Variants in CNTNAP2 observed in about 807,000 individuals in gnomAD.
CNTNAP2 encodes contactin associated protein 2.
In CNTNAP2, 98 loss-of-function variants were observed where a neutral mutation model predicts 155.2. The observed-to-expected ratio is 0.63, with a 90% CI of 0.54 to 0.75. The LOEUF is 0.75. Ranked by LOEUF, CNTNAP2 falls within the 30% of genes least tolerant of loss-of-function variation. CNTNAP2 has a pLI of 0.00. For missense variants in CNTNAP2, 1,727 were observed against 1,688.1 expected (o/e 1.02, Z -0.40); for synonymous variants, 651 against 631.2 (o/e 1.03, Z -0.47).
chr7:148,226,411 C>A (rs1220330837), intron 19 of CNTNAP2, among the ~76,000 whole-genome samples: 1 of 151,982 alleles, frequency 6.6e-6, no homozygotes, highest in Non-Finnish European at 1.5e-5. Flanking sequence ...AGGTGATGGT[C>A]AGGCAGTTGC....
At chr7:148,294,815 A>G (rs1797254040) in intron 21 of CNTNAP2, among the ~76,000 whole-genome samples, 1 of 152,154 alleles carries the variant, frequency 6.6e-6, no homozygotes, top group South Asian at 2.1e-4. Flanking sequence ...AGGTGGCAAA[A>G]ATAAACATAT....
At chr7:147,946,204 A>G (rs184582566) in intron 14 of CNTNAP2, among the ~76,000 whole-genome samples, 1 of 152,258 alleles carries the variant, frequency 6.6e-6, no homozygotes, top group African/African-American at 2.4e-5. Flanking sequence ...ATACAGCAAG[A>G]CAAACACATC....
chr7:146,248,679 T>C (rs1799705723), intron 1 of CNTNAP2, among the ~76,000 whole-genome samples: 1 of 152,088 alleles, frequency 6.6e-6, no homozygotes, highest in African/African-American at 2.4e-5. Flanking sequence ...GGATTTTAAA[T>C]TGGTGAGATG....
At chr7:148,066,078 A>G (rs1416542030) in intron 15 of CNTNAP2, among the ~76,000 whole-genome samples, 2 of 152,086 alleles carry the variant, frequency 1.3e-5, no homozygotes, top group Non-Finnish European at 2.9e-5. Flanking sequence ...CTTGGCTTTT[A>G]ATTATTTTGT....
At chr7:147,655,682 C>T (rs996776816) in intron 13 of CNTNAP2, among the ~76,000 whole-genome samples, 2 of 152,146 alleles carry the variant, frequency 1.3e-5, no homozygotes, top group African/African-American at 4.8e-5. Flanking sequence ...GTCCTCCAAG[C>T]TTTGTTGTTC....
intron 9 of CNTNAP2, among the ~76,000 whole-genome samples, chr7:147,300,969 A>G (rs771498730): frequency 5.9e-5 from 9 of 152,034 alleles, no homozygotes; most frequent in Non-Finnish European, 1.3e-4. Flanking sequence ...GATAAAAACT[A>G]TGAGTATTTT....
chr7:147,459,336 T>C (rs934403820), intron 10 of CNTNAP2, among the ~76,000 whole-genome samples: 15 of 152,212 alleles, frequency 9.9e-5, no homozygotes, highest in Admixed American at 5.9e-4. Flanking sequence ...TCCAGTTCTA[T>C]GATTTCACTC....
At chr7:146,680,710 C>A (rs920421331) in intron 1 of CNTNAP2, among the ~76,000 whole-genome samples, 2 of 152,196 alleles carry the variant, frequency 1.3e-5, no homozygotes, top group African/African-American at 4.8e-5. Flanking sequence ...ATGAAAACAT[C>A]TATTTCCTTT....
At chr7:147,960,917 C>G (rs369649775) in intron 14 of CNTNAP2, among the ~76,000 whole-genome samples, 12 of 152,102 alleles carry the variant, frequency 7.9e-5, no homozygotes, top group African/African-American at 1.4e-4. Flanking sequence ...TAAGTAGAAG[C>G]CTGCATGCAG....
chr7:147,794,582 G>A (rs1230071105), intron 13 of CNTNAP2, among the ~76,000 whole-genome samples: 1 of 150,548 alleles, frequency 6.6e-6, no homozygotes, highest in Non-Finnish European at 1.5e-5. Flanking sequence ...ATTCATAAGA[G>A]ATTTCAGTAT....
At chr7:148,106,517 T>TATATATATAG (rs1804224754) in intron 15 of CNTNAP2, among the ~76,000 whole-genome samples, 1 of 146,490 alleles carries the variant, frequency 6.8e-6, no homozygotes, top group African/African-American at 2.5e-5. Flanking sequence ...TATATATATA[T>TATATATATAG]ATACATATTT....
intron 1 of CNTNAP2, among the ~76,000 whole-genome samples, chr7:146,360,287 C>T (rs2129100668): frequency 1.3e-5 from 2 of 152,286 alleles, no homozygotes; most frequent in South Asian, 4.1e-4. Context: ...GGGTTATAAT[C>T]CTTTCATGAT....
chr7:146,518,675 T>C (rs1341669165), intron 1 of CNTNAP2, among the ~76,000 whole-genome samples: 2 of 151,784 alleles, frequency 1.3e-5, no homozygotes, highest in East Asian at 3.9e-4. Context: ...ATAAACAGAG[T>C]GTATCATATA....
chr7:148,363,650 G>C (rs187936925), intron 21 of CNTNAP2, among the ~76,000 whole-genome samples: 1 of 152,148 alleles, frequency 6.6e-6, no homozygotes, highest in Non-Finnish European at 1.5e-5. Flanking sequence ...AGGTGACAGC[G>C]TGCTGGCAGT....
intron 1 of CNTNAP2, among the ~76,000 whole-genome samples, chr7:146,422,204 C>T (rs1459090854): frequency 2.0e-5 from 3 of 151,204 alleles, no homozygotes; most frequent in Non-Finnish European, 3.0e-5. Context: ...GAGTAGTGTA[C>T]ATTGTACCTA....
intron 1 of CNTNAP2, among the ~76,000 whole-genome samples, chr7:146,470,161 A>G (rs886181328): frequency 1.3e-5 from 2 of 150,404 alleles, no homozygotes; most frequent in African/African-American, 4.9e-5. Flanking sequence ...TAAACTAATC[A>G]CTCCTCTGTT....
intron 1 of CNTNAP2, among the ~76,000 whole-genome samples, chr7:146,515,944 A>G (rs116323263): frequency 0.013 from 2,040 of 152,192 alleles, 49 homozygotes; most frequent in African/African-American, 0.045. Context: ...CTGTACTGGG[A>G]CTATATAAAC....
intron 11 of CNTNAP2, among the ~76,000 whole-genome samples, chr7:147,508,084 C>T (rs536925771): frequency 6.6e-6 from 1 of 152,240 alleles, no homozygotes; most frequent in African/African-American, 2.4e-5. Context: ...ATAGTGATTC[C>T]TTCATCCATA....
At chr7:148,104,875 C>G (rs1358809708) in intron 15 of CNTNAP2, among the ~76,000 whole-genome samples, 2 of 152,166 alleles carry the variant, frequency 1.3e-5, no homozygotes, top group African/African-American at 4.8e-5. Flanking sequence ...TTAAATAGCT[C>G]TTCAATTCTG....
Sources: allele counts gnomAD v4.1 joint callset (sites outside exome capture counted in the v4.1 genomes callset), GRCh38; gene constraint gnomAD v4.1.1; transcripts MANE v1.5; gene names NCBI Gene and HGNC (gene_info 2026-07-23, HGNC 2026-07-21).